The following TMEM163 variants were observed in gnomAD, a reference collection of about 807,000 sequenced individuals.
The protein encoded by TMEM163 is transmembrane protein 163.
In TMEM163, 17 loss-of-function variants were observed where a neutral mutation model predicts 29.3. That is an observed-to-expected ratio of 0.58 (90% CI 0.40 to 0.87). The LOEUF (loss-of-function observed/expected upper bound fraction) is 0.87. Among genes scored for constraint, TMEM163 ranks in the 40% least tolerant of loss-of-function variants. The pLI, the probability that TMEM163 is intolerant of heterozygous loss-of-function variation, is 0.00. For missense variants in TMEM163, 303 were observed against 381.5 expected (o/e 0.79, Z 1.71); for synonymous variants, 157 against 160.6 (o/e 0.98, Z 0.17).
chr2:134,677,153 C>T (rs143612282), intron 2 of TMEM163, among the ~76,000 whole-genome samples: 542 of 152,246 alleles, frequency 3.6e-3, no homozygotes, highest in Non-Finnish European at 3.8e-3. Flanking sequence ...CGCTTCCTTC[C>T]GCAGACCTCG....
intron 4 of TMEM163, among the ~76,000 whole-genome samples, chr2:134,526,032 C>A (rs141752898): frequency 8.5e-5 from 13 of 152,222 alleles, no homozygotes. Flanking sequence ...AGCTGGAGAA[C>A]TGGCTCAGGC....
At chr2:134,592,806 G>C (rs886600611) in intron 2 of TMEM163, among the ~76,000 whole-genome samples, 2 of 151,214 alleles carry the variant, frequency 1.3e-5, no homozygotes, top group Admixed American at 1.3e-4. Flanking sequence ...GATATAGATA[G>C]ATAGACTATC....
At chr2:134,670,685 A>G (rs779540013) in intron 2 of TMEM163, among the ~76,000 whole-genome samples, 1 of 152,210 alleles carries the variant, frequency 6.6e-6, no homozygotes, top group Non-Finnish European at 1.5e-5. Flanking sequence ...AGGCAAGAGG[A>G]AAGAAGGCAT....
At chr2:134,560,439 C>A (rs189681311) in intron 2 of TMEM163, among the ~76,000 whole-genome samples, 65 of 152,322 alleles carry the variant, frequency 4.3e-4, no homozygotes, top group Non-Finnish European at 7.9e-4. Context: ...GCAAACAGAG[C>A]CTTCAGGGAG....
chr2:134,602,527 C>G (rs1223797386), intron 2 of TMEM163, among the ~76,000 whole-genome samples: 2 of 152,134 alleles, frequency 1.3e-5, no homozygotes, highest in Non-Finnish European at 2.9e-5. Context: ...TGTGAAGTCC[C>G]TCAGGTTTCT....
chr2:134,552,198 G>T, intron 2 of TMEM163, 107 bp from the exon 3 acceptor site: 1 of 814,918 alleles, frequency 1.2e-6, no homozygotes, highest in Non-Finnish European at 1.9e-6. Flanking sequence ...AGTTCCAAGA[G>T]AACAAAACCA....
chr2:134,461,329 C>T (rs1447510733), intron 6 of TMEM163, among the ~76,000 whole-genome samples: 1 of 150,990 alleles, frequency 6.6e-6, no homozygotes, highest in Non-Finnish European at 1.5e-5. Flanking sequence ...TTCTTGTGTG[C>T]TTGAAAGATC....
chr2:134,687,360 G>T (rs1018419508), intron 2 of TMEM163, among the ~76,000 whole-genome samples: 2 of 152,136 alleles, frequency 1.3e-5, no homozygotes, highest in East Asian at 3.8e-4. Context: ...GACCCACAGG[G>T]ATCTGTTTTT....
chr2:134,519,093 C>T (rs1680138037), intron 4 of TMEM163, among the ~76,000 whole-genome samples: 1 of 152,162 alleles, frequency 6.6e-6, no homozygotes. Context: ...AAACGTCCAA[C>T]CAAAAGTGAC....
intron 2 of TMEM163, among the ~76,000 whole-genome samples, chr2:134,569,879 T>TA (rs1444729410): frequency 2.0e-5 from 3 of 152,202 alleles, no homozygotes; most frequent in Admixed American, 2.0e-4. Flanking sequence ...AGTAGTGTGA[T>TA]AAAATCTCAC....
At chr2:134,699,580 A>G (rs1406193044) in intron 2 of TMEM163, among the ~76,000 whole-genome samples, 1 of 152,226 alleles carries the variant, frequency 6.6e-6, no homozygotes, top group Non-Finnish European at 1.5e-5. Context: ...GATATATTCT[A>G]CATCACATAT....
At chr2:134,634,617 G>T (rs1683064118) in intron 2 of TMEM163, among the ~76,000 whole-genome samples, 1 of 152,220 alleles carries the variant, frequency 6.6e-6, no homozygotes, top group African/African-American at 2.4e-5. Flanking sequence ...ATAGGATTAA[G>T]GTGGAGGGGG....
In TMEM163 at chr2:134,589,059, T is replaced by C. The variant is rs542680895; in HGVS notation, c.323-36968A>G. ...AGAGACAAAGGTCAAAGGCAGAGTA[T>C]AACTATGAGGCTACTGCAATAGTCC... On this transcript the variant is annotated intron_variant, in intron 2 of 7. Transcript: ENST00000281924. Among the ~76,000 whole-genome samples, 5 of 152,186 alleles carry C rather than the reference T, an allele frequency of 3.3e-5. No homozygotes were observed. The South Asian group carries it at 1.0e-3, about 32-fold the overall frequency.
rs533663431 is a variant in TMEM163, at chr2:134,568,317, G to T, written c.323-16226C>A. Among the ~76,000 whole-genome samples the T allele has an allele frequency of 3.9e-5, 6 of 152,288 alleles. No individual in the cohort carries two copies. In the South Asian group the frequency reaches 1.2e-3, roughly 32 times the overall value. ...AGGCAGGCAGGTCACTTGAGGTCAG[G>T]AGTTTGAAACCAGCCTGGCCAACAT... On this transcript the variant is annotated intron_variant, in intron 2 of 7. Transcript: ENST00000281924.
At chr2:134,571,534 A>G (rs1027802153) in intron 2 of TMEM163, among the ~76,000 whole-genome samples, 1 of 152,204 alleles carries the variant, frequency 6.6e-6, no homozygotes, top group African/African-American at 2.4e-5. Context: ...GAGTACCTAT[A>G]TTAGGGGTCC....
At chr2:134,702,078 T>C (rs1420250331) in intron 2 of TMEM163, among the ~76,000 whole-genome samples, 2 of 152,054 alleles carry the variant, frequency 1.3e-5, no homozygotes, top group African/African-American at 4.8e-5. Flanking sequence ...AAGAAGGATC[T>C]GAAAGTTTAA....
At chr2:134,692,506 T>C (rs2104884511) in intron 2 of TMEM163, among the ~76,000 whole-genome samples, 1 of 152,178 alleles carries the variant, frequency 6.6e-6, no homozygotes, top group East Asian at 1.9e-4. Context: ...CTGGGGGACT[T>C]CAACACCATG....
intron 4 of TMEM163, among the ~76,000 whole-genome samples, chr2:134,541,973 C>CG (rs1173725435): frequency 3.3e-5 from 5 of 152,132 alleles, no homozygotes; most frequent in African/African-American, 1.2e-4. Flanking sequence ...AGACCATGGG[C>CG]GGGGGTGGGA....
At chr2:134,520,378 C>T (rs540483334) in intron 4 of TMEM163, among the ~76,000 whole-genome samples, 1 of 152,310 alleles carries the variant, frequency 6.6e-6, no homozygotes, top group South Asian at 2.1e-4. Flanking sequence ...GTAGAGTACT[C>T]CACAAAGCAC....
Sources: gnomAD v4.1 joint callset for allele counts (sites outside exome capture counted in the v4.1 genomes callset) on GRCh38, gnomAD v4.1.1 for gene constraint, MANE v1.5 for transcripts, NCBI Gene and HGNC (gene_info 2026-07-23, HGNC 2026-07-21) for gene names.